Variants in NETO2 observed in about 807,000 individuals in gnomAD.
The protein encoded by NETO2 is neuropilin and tolloid like 2.
Under a neutral mutation model 62.5 loss-of-function variants are expected in NETO2, and 28 were observed. That is an observed-to-expected ratio of 0.45 (90% CI 0.33 to 0.61). The LOEUF (loss-of-function observed/expected upper bound fraction) is 0.61, where lower values mean the gene tolerates loss of function less well. Ranked by LOEUF, NETO2 falls within the 20% of genes least tolerant of loss-of-function variation. The pLI is 0.02. For missense variants in NETO2, 548 were observed against 643.2 expected (o/e 0.85, Z 1.60); for synonymous variants, 214 against 219.1 (o/e 0.98, Z 0.21).
At chr16:47,084,915 G>A (rs1240453864) in intron 8 of NETO2, among the ~76,000 whole-genome samples, 1 of 152,140 alleles carries the variant, frequency 6.6e-6, no homozygotes, top group Non-Finnish European at 1.5e-5. Context: ...TAATAATAAA[G>A]TGCCCAATAA....
intron 7 of NETO2, among the ~76,000 whole-genome samples, chr16:47,108,977 A>C (rs1379960576): frequency 2.0e-5 from 3 of 152,244 alleles, no homozygotes; most frequent in East Asian, 1.9e-4. Context: ...AGCTAAATTA[A>C]TACTACTACT....
rs1963102000 is a variant in NETO2, at chr16:47,083,057, A to G, written c.*164T>C. Reference sequence around the variant, plus strand: ...GTTCCTTGATTGGTTTAACATATATAGACTGCCTGAGAGAATAAAAACATC... The same window carrying G: ...GTTCCTTGATTGGTTTAACATATATGGACTGCCTGAGAGAATAAAAACATC... On this transcript the variant is annotated 3_prime_UTR_variant, in exon 9 of 9. Coordinates refer to ENST00000562435, the MANE Select transcript of NETO2 (RefSeq NM_018092.5). The G allele has an allele frequency of 6.5e-6, 4 of 618,778 alleles. No individual in the cohort carries two copies. The highest frequency in any genetic ancestry group is 1.1e-5 in the Non-Finnish European group (4 of 356,334). The allele number at this position is 618,778 out of a possible 1,614,324, so 38.3% of individuals were successfully genotyped here.
rs1964520139 is a variant in NETO2 at position 47,143,870 on chromosome 16, G to A, written c.-258C>T. ...GCCCCGTCCCATCGACCGCCCGAGG[G>A]CCGAGGAGTGCGGACGCGCGGCGCG... On this transcript the variant is annotated 5_prime_UTR_variant, in exon 1 of 9. Transcript: ENST00000562435. 3 of 278,284 alleles carry A rather than the reference G, an allele frequency of 1.1e-5. No homozygotes were observed. Among genetic ancestry groups the A allele is most frequent in the East Asian group, 7.4e-5 (1 of 13,460 alleles). The allele number at this position is 278,284 out of a possible 1,614,324, so 17.2% of individuals were successfully genotyped here. A position where few individuals can be genotyped will look rare whatever the true frequency, so the allele number is the denominator to read the frequency against.
Position 47,131,074 on chromosome 16 carries a change from G to GAA in NETO2, c.91+893_91+894dup, listed in dbSNP as rs759384259. The stretch of plus-strand genomic sequence containing the variant: ...AAAGGGAATTTTAAAAATTAAAACA[G>GAA]AAAAAAAAAAAAAAGATTTCCTAAA... On this transcript the variant is annotated intron_variant, in intron 2 of 8. Coordinates refer to ENST00000562435, the MANE Select transcript of NETO2 (RefSeq NM_018092.5). 7.0e-5 allele frequency among the ~76,000 whole-genome samples: 8 copies of GAA among 114,654 alleles called. No individual in the cohort carries two copies. In the East Asian group the frequency reaches 7.3e-4, roughly 10 times the overall value. The allele number at this position is 114,654 out of a possible 152,430, so 75.2% of individuals were successfully genotyped here.
chr16:47,128,313 C>G lies in NETO2; in HGVS notation c.481+12G>C. ...AGATGCCCAACCACTTAAAAGATAA[C>G]TTATTCTTTACCTGGAATAAATGAA... On this transcript the variant is annotated intron_variant, in intron 4 of 8. Transcript: ENST00000562435. 6.2e-7 allele frequency: 1 copy of G among 1,610,076 alleles called. No individual in the cohort carries two copies. The highest frequency in any genetic ancestry group is 8.5e-7 in the Non-Finnish European group (1 of 1,178,044).
intron 7 of NETO2, among the ~76,000 whole-genome samples, chr16:47,086,976 T>C (rs1963202980): frequency 6.6e-6 from 1 of 152,120 alleles, no homozygotes; most frequent in African/African-American, 2.4e-5. Context: ...GAAATTATGA[T>C]ACATACAACA....
chr16:47,131,304 A>G (rs1261576831), intron 2 of NETO2, among the ~76,000 whole-genome samples: 3 of 152,198 alleles, frequency 2.0e-5, no homozygotes, highest in African/African-American at 7.2e-5. Flanking sequence ...TAAAACTGAA[A>G]TAACCAAGAA....
Position 47,129,572 on chromosome 16 carries a change from A to G in NETO2, c.92-208T>C, listed in dbSNP as rs575152396. Among the ~76,000 whole-genome samples, 49 of 152,316 alleles carry G rather than the reference A, an allele frequency of 3.2e-4. No homozygotes were observed. In the South Asian group the frequency reaches 9.9e-3, roughly 31 times the overall value. ...CTGGGAGAGGACAAGTTTGCCGTGT[A>G]AGAGAACAGGGAAATAAAGGGCTTA... On this transcript the variant is annotated intron_variant, in intron 2 of 8. Coordinates refer to ENST00000562435, the MANE Select transcript of NETO2 (RefSeq NM_018092.5).
At chr16:47,118,626 A>C (rs950753921) in intron 6 of NETO2, among the ~76,000 whole-genome samples, 1 of 152,226 alleles carries the variant, frequency 6.6e-6, no homozygotes, top group Non-Finnish European at 1.5e-5. Flanking sequence ...TTCTCTTATG[A>C]TAGTCTAAAA....
chr16:47,091,190 C>T (rs758439869), intron 7 of NETO2, among the ~76,000 whole-genome samples: 2 of 152,228 alleles, frequency 1.3e-5, no homozygotes, highest in East Asian at 1.9e-4. Context: ...GAAGGGGCGG[C>T]TTTCTTCTTT....
intron 7 of NETO2, among the ~76,000 whole-genome samples, chr16:47,096,041 A>G (rs1336856476): frequency 6.6e-6 from 1 of 152,186 alleles, no homozygotes; most frequent in African/African-American, 2.4e-5. Context: ...AAATTAAACT[A>G]CACACTCTTA....
chr16:47,091,655 C>T (rs1254901751), intron 7 of NETO2, among the ~76,000 whole-genome samples: 1 of 152,142 alleles, frequency 6.6e-6, no homozygotes, highest in Non-Finnish European at 1.5e-5. Flanking sequence ...GATAAGGGTA[C>T]TTCATTGTAC....
intron 1 of NETO2, among the ~76,000 whole-genome samples, chr16:47,138,315 G>C (rs1201596724): frequency 6.6e-6 from 1 of 152,168 alleles, no homozygotes; most frequent in South Asian, 2.1e-4. Context: ...CAGGAGAATC[G>C]CTTGAACCTG....
At chr16:47,106,688 GATAAA>G (rs1455611454) in intron 7 of NETO2, among the ~76,000 whole-genome samples, 1 of 151,928 alleles carries the variant, frequency 6.6e-6, no homozygotes. Flanking sequence ...ATAAGTAGAA[GATAAA>G]ATAAAGTTGG....
At chr16:47,116,717 C>T (rs1963929851) in intron 6 of NETO2, among the ~76,000 whole-genome samples, 1 of 152,120 alleles carries the variant, frequency 6.6e-6, no homozygotes, top group South Asian at 2.1e-4. Flanking sequence ...ATGTTTGGTA[C>T]AATTTGCCAG....
At chr16:47,134,335 T>C (rs777266152) in intron 1 of NETO2, among the ~76,000 whole-genome samples, 3 of 152,176 alleles carry the variant, frequency 2.0e-5, no homozygotes, top group Non-Finnish European at 4.4e-5. Context: ...CCCCCTTCCC[T>C]TTTTTTGGTT....
At chr16:47,129,149 A>G (rs1003502288) in intron 3 of NETO2, 75 bp downstream of exon 3, 49 of 1,386,532 alleles carry the variant, frequency 3.5e-5, no homozygotes, top group Non-Finnish European at 4.7e-5. Flanking sequence ...ACTGGTTTAC[A>G]TAGGTCATTT....
chr16:47,143,700 C>T lies in NETO2; in HGVS notation c.-88G>A. Reference sequence around the variant, plus strand: ...ACGGCTCGGCGCGGCGGCGACGGCCCCACTCCGTCCCCATCGCCGGCCAGC... The same window carrying T: ...ACGGCTCGGCGCGGCGGCGACGGCCTCACTCCGTCCCCATCGCCGGCCAGC... On this transcript the variant is annotated 5_prime_UTR_variant, in exon 1 of 9. The change creates a premature stop within an existing upstream ORF in the 5' untranslated region. Coordinates refer to ENST00000562435, the MANE Select transcript of NETO2 (RefSeq NM_018092.5). 8.3e-7 allele frequency: 1 copy of T among 1,207,594 alleles called. No homozygotes were observed. Among genetic ancestry groups the T allele is most frequent in the African/African-American group, 1.6e-5 (1 of 63,346 alleles). The allele number at this position is 1,207,594 out of a possible 1,614,324, so 74.8% of individuals were successfully genotyped here.
intron 6 of NETO2, among the ~76,000 whole-genome samples, chr16:47,117,241 A>C (rs2143939464): frequency 6.6e-6 from 1 of 152,300 alleles, no homozygotes; most frequent in Admixed American, 6.5e-5. Context: ...ATAGTCATTC[A>C]AATCACTGCT....
Sources: gnomAD v4.1 joint callset for allele counts (sites outside exome capture counted in the v4.1 genomes callset) on GRCh38, gnomAD v4.1.1 for gene constraint, MANE v1.5 for transcripts, NCBI Gene and HGNC (gene_info 2026-07-23, HGNC 2026-07-21) for gene names.